The following TET2 variants were observed in gnomAD, a reference collection of about 807,000 sequenced individuals.
TET2 encodes the protein methylcytosine dioxygenase TET2.
Under a neutral mutation model 142.9 loss-of-function variants are expected in TET2, and 299 were observed. That is an observed-to-expected ratio of 2.09 (90% CI 1.90 to 2.30). The LOEUF (loss-of-function observed/expected upper bound fraction) is 2.30, where lower values mean the gene tolerates loss of function less well. Among genes scored for constraint, TET2 ranks in the 30% most tolerant of loss-of-function variants. The probability of loss-of-function intolerance (pLI) is 0.00; values close to 1 mark genes in which losing one functional copy is unlikely to be tolerated. For missense variants in TET2, 2,418 were observed against 2,378.0 expected, an observed-to-expected ratio of 1.02 and a Z score of -0.35; for synonymous variants, 819 against 849.0, an observed-to-expected ratio of 0.96 and a Z score of 0.61.
At chr4:105,233,383 CAA>C (rs34890297) in intron 2 of TET2, among the ~76,000 whole-genome samples, 101 of 76,124 alleles carry the variant, frequency 1.3e-3, no homozygotes, top group Admixed American at 2.0e-3. Flanking sequence ...GACTCCATCT[CAA>C]AAAAAAAAAA....
At chr4:105,170,138 T>A (rs1340766778) in intron 1 of TET2, among the ~76,000 whole-genome samples, 1 of 152,216 alleles carries the variant, frequency 6.6e-6, no homozygotes, top group African/African-American at 2.4e-5. Flanking sequence ...TTGATGGGAA[T>A]TGCATAGTTT....
At chr4:105,180,760 C>A (rs1725074397) in intron 1 of TET2, among the ~76,000 whole-genome samples, 1 of 152,122 alleles carries the variant, frequency 6.6e-6, no homozygotes, top group South Asian at 2.1e-4. Context: ...CTGCCTCAGC[C>A]TGCCGGGTAG....
intron 2 of TET2, among the ~76,000 whole-genome samples, chr4:105,202,181 A>G (rs977042621): frequency 2.0e-5 from 3 of 152,214 alleles, no homozygotes; most frequent in African/African-American, 7.2e-5. Flanking sequence ...TATATATACA[A>G]TTAAGTAGTT....
chr4:105,243,936 A>G (rs1169694739), intron 6 of TET2, among the ~76,000 whole-genome samples, 158 bp downstream of exon 6: 3 of 152,238 alleles, frequency 2.0e-5, no homozygotes, highest in Non-Finnish European at 4.4e-5. Context: ...TGTATTTGCT[A>G]ATGTGAATAA....
Position 105,261,864 on chromosome 4 carries a change from C to G in TET2, c.4044+16C>G. On this transcript the variant is annotated intron_variant, in intron 8 of 10. Coordinates refer to ENST00000380013, the MANE Select transcript of TET2 (RefSeq NM_001127208.3). ...TAATAATCAGGTAAGTTTAAATAAT[C>G]ATTGGCAGCAATTGTAACAACTTAC... is the stretch of plus-strand genomic sequence containing the variant. The G allele has an allele frequency of 1.4e-6, 2 of 1,427,502 alleles. No individual in the cohort carries two copies. The highest frequency in any genetic ancestry group is 2.9e-5 in the African/African-American group (2 of 70,140). 88.4% of individuals were successfully genotyped at this position (1,427,502 alleles called of 1,614,324 possible).
At chr4:105,190,558 A>G (rs916639648) in intron 2 of TET2, 53 bp downstream of exon 2, 1 of 689,284 alleles carries the variant, frequency 1.5e-6, no homozygotes, top group Non-Finnish European at 2.6e-6. Context: ...ATTTATTCCT[A>G]ATGTAATGGT....
At chr4:105,243,815 C>T (rs1196140063) in intron 6 of TET2, 37 bp downstream of exon 6, 1 of 1,528,114 alleles carries the variant, frequency 6.5e-7, no homozygotes, top group Non-Finnish European at 8.9e-7. Context: ...TCTTTGCGGC[C>T]ACTGATAGGA....
At chr4:105,264,993 G>GT (rs1278136952) in intron 8 of TET2, among the ~76,000 whole-genome samples, 1 of 152,174 alleles carries the variant, frequency 6.6e-6, no homozygotes, top group Non-Finnish European at 1.5e-5. Context: ...TAGAGCTTCA[G>GT]TTTTCTCAAC....
intron 6 of TET2, among the ~76,000 whole-genome samples, chr4:105,257,291 T>C (rs1730185664): frequency 6.6e-6 from 1 of 152,106 alleles, no homozygotes; most frequent in Admixed American, 6.6e-5. Context: ...ATAAATAAAA[T>C]AATATAATCT....
intron 1 of TET2, among the ~76,000 whole-genome samples, chr4:105,156,741 C>G (rs1723585655): frequency 6.6e-6 from 1 of 152,186 alleles, no homozygotes; most frequent in African/African-American, 2.4e-5. Flanking sequence ...CCTGTCTGCA[C>G]TAAGAAGGGC....
At position 105,275,406 on chromosome 4, in the gene TET2, A is replaced by G. The variant is rs1221006526; in HGVS notation, c.4896A>G (p.Gln1632=). 2 of 1,551,544 alleles carry G rather than the reference A, an allele frequency of 1.3e-6. No individual in the cohort carries two copies. Among genetic ancestry groups the G allele is most frequent in the African/African-American group, 1.4e-5 (1 of 73,042 alleles). Reference sequence around the variant, plus strand: ...AGAATACCCAATATCCATCATATCAATGCAATGGAAACCTATCAGTGGACA... The same window carrying G: ...AGAATACCCAATATCCATCATATCAGTGCAATGGAAACCTATCAGTGGACA... ...LNQNTQYPSY[Q]CNGNLSVDNC... The change falls in exon 11 of 11, where the codon CAA becomes CAG. Residue 1632 remains glutamine, a synonymous_variant. Transcript: ENST00000380013.
intron 2 of TET2, among the ~76,000 whole-genome samples, chr4:105,200,984 A>G (rs1357379129): frequency 3.3e-5 from 5 of 152,146 alleles, no homozygotes; most frequent in Admixed American, 2.0e-4. Context: ...AATCAAAATG[A>G]GAAAAAAGAT....
intron 1 of TET2, among the ~76,000 whole-genome samples, chr4:105,157,076 A>G (rs1453564730): frequency 2.6e-5 from 4 of 152,094 alleles, no homozygotes; most frequent in Non-Finnish European, 5.9e-5. Context: ...TGTTTGTTCT[A>G]CTGTGCACTC....
intron 1 of TET2, among the ~76,000 whole-genome samples, chr4:105,152,686 C>T (rs1723370053): frequency 6.7e-6 from 1 of 148,458 alleles, no homozygotes; most frequent in African/African-American, 2.5e-5. Flanking sequence ...CAACCTCTGC[C>T]TTCCAGGTTC....
chr4:105,203,176 T>C (rs1219730120), intron 2 of TET2, among the ~76,000 whole-genome samples: 2 of 152,220 alleles, frequency 1.3e-5, no homozygotes, highest in East Asian at 3.8e-4. Flanking sequence ...ATTGGTTCCT[T>C]TAAGACATTT....
chr4:105,211,383 T>G (rs1727151623), intron 2 of TET2, among the ~76,000 whole-genome samples: 1 of 152,198 alleles, frequency 6.6e-6, no homozygotes. Context: ...CCAGACTATC[T>G]TGTTCATCCC....
At position 105,152,910 on chromosome 4, in the gene TET2, A is replaced by G. The variant is rs80079531; in HGVS notation, c.-193+5931A>G. 5.2e-3 allele frequency among the ~76,000 whole-genome samples: 793 copies of G among 152,114 alleles called. 9 individuals are homozygous for G. Among genetic ancestry groups the G allele is most frequent in the African/African-American group, 0.018 (748 of 41,514 alleles). On this transcript the variant is annotated intron_variant, in intron 1 of 10. Transcript: ENST00000380013. ...CTGCACCTGGTCTAATCTATTTTCA[A>G]TGTATAAGAGAAAAATAGTGTTAAG... is the stretch of plus-strand genomic sequence containing the variant.
intron 2 of TET2, among the ~76,000 whole-genome samples, chr4:105,217,864 G>T (rs576025508): frequency 2.0e-5 from 3 of 152,028 alleles, no homozygotes; most frequent in Admixed American, 2.0e-4. Flanking sequence ...TATTAATACT[G>T]CACTTATAAA....
At chr4:105,187,291 A>C (rs974497643) in intron 1 of TET2, among the ~76,000 whole-genome samples, 1 of 151,894 alleles carries the variant, frequency 6.6e-6, no homozygotes, top group Admixed American at 6.6e-5. Context: ...GAAGGTAAAA[A>C]CTCCTCTGCC....
Sources: allele counts gnomAD v4.1 joint callset (sites outside exome capture counted in the v4.1 genomes callset), GRCh38; gene constraint gnomAD v4.1.1; transcripts MANE v1.5; gene names NCBI Gene and HGNC (gene_info 2026-07-23, HGNC 2026-07-21).